UPRT: variants seen among roughly 807,000 people sequenced by gnomAD.
UPRT encodes the protein RP11-311P8.3.
Under a neutral mutation model 22.6 loss-of-function variants are expected in UPRT, and 5 were observed. The ratio of observed to expected loss-of-function variants is 0.22; its 90% CI spans 0.12 to 0.47. The LOEUF is 0.47. Among genes scored for constraint, UPRT ranks in the 20% least tolerant of loss-of-function variants. The pLI, the probability that UPRT is intolerant of heterozygous loss-of-function variation, is 0.99. For missense variants in UPRT, 181 were observed against 239.9 expected (o/e 0.75, Z 1.62); for synonymous variants, 77 against 87.7 (o/e 0.88, Z 0.68).
At chrX:75,238,101 A>G (rs1028378209) in intron 4 of UPRT, among the ~76,000 whole-genome samples, 3 of 111,480 alleles carry the variant, frequency 2.7e-5, no homozygotes, top group African/African-American at 9.8e-5. Context: ...AACAACTAGC[A>G]TGATGAATAG....
At chrX:75,196,450 A>G (rs1381432341) in intron 4 of UPRT, among the ~76,000 whole-genome samples, 1 of 112,953 alleles carries the variant, frequency 8.9e-6, no homozygotes, top group African/African-American at 3.2e-5. Flanking sequence ...TGTTTCTAGC[A>G]ATACAGTGGT....
At chrX:75,189,816 T>A (rs1417774576) in intron 4 of UPRT, among the ~76,000 whole-genome samples, 1 of 111,900 alleles carries the variant, frequency 8.9e-6, no homozygotes, top group East Asian at 2.8e-4. Flanking sequence ...CTTGCCTTTT[T>A]TATTCATTTT....
At chrX:75,268,274 C>A (rs1232687813) in intron 4 of UPRT, among the ~76,000 whole-genome samples, 1 of 110,908 alleles carries the variant, frequency 9.0e-6, no homozygotes. Context: ...TAATAGCCTA[C>A]CAACAAAAAA....
chrX:75,243,606 A>C (rs1299631428), intron 4 of UPRT, among the ~76,000 whole-genome samples: 1 of 111,936 alleles, frequency 8.9e-6, no homozygotes, highest in Non-Finnish European at 1.9e-5. Context: ...TTAAATAATT[A>C]AACTGGCTGG....
At chrX:75,282,798 G>A (rs926795437) in intron 1 of UPRT, among the ~76,000 whole-genome samples, 5 of 111,226 alleles carry the variant, frequency 4.5e-5, no homozygotes, top group Non-Finnish European at 9.4e-5. Context: ...AATTTGTTCC[G>A]AGGTATAGTT....
intron 4 of UPRT, among the ~76,000 whole-genome samples, chrX:75,184,592 T>C: frequency 9.3e-6 from 1 of 108,079 alleles, no homozygotes; most frequent in East Asian, 2.9e-4. Flanking sequence ...GGGGATGGCA[T>C]TGAATCTGTA....
intron 3 of UPRT, among the ~76,000 whole-genome samples, chrX:75,166,720 C>T (rs1305982827): frequency 3.6e-5 from 4 of 112,092 alleles, no homozygotes; most frequent in African/African-American, 1.3e-4. Context: ...TTAACAAATT[C>T]CCAGGAGCCC....
chrX:75,257,510 C>A (rs2082553054), intron 4 of UPRT, among the ~76,000 whole-genome samples: 3 of 111,464 alleles, frequency 2.7e-5, no homozygotes, highest in Non-Finnish European at 5.6e-5. Flanking sequence ...TACTAAAAGT[C>A]CTAGCCAGAG....
chrX:75,209,381 CT>C (rs920003024), intron 4 of UPRT, among the ~76,000 whole-genome samples: 61 of 108,820 alleles, frequency 5.6e-4, no homozygotes, highest in African/African-American at 2.0e-3. Context: ...TTCTTTTTTT[CT>C]TTTTTTTTGA....
intron 1 of UPRT, 135 bp downstream of exon 1, chrX:75,274,775 GGTGTGTGT>G (rs201034223): frequency 0.14 from 44,159 of 306,567 alleles, 99 homozygotes; most frequent in Middle Eastern, 0.21. Flanking sequence ...CCTTTTATTT[GGTGTGTGT>G]GTGTGTGTGT....
intron 4 of UPRT, among the ~76,000 whole-genome samples, chrX:75,249,987 A>G (rs1484703526): frequency 1.8e-5 from 2 of 112,213 alleles, no homozygotes; most frequent in Non-Finnish European, 3.8e-5. Flanking sequence ...ACAAAGGCAG[A>G]AATAAAGATG....
chrX:75,188,233 C>T (rs981864770), intron 4 of UPRT, among the ~76,000 whole-genome samples: 6 of 111,702 alleles, frequency 5.4e-5, no homozygotes, highest in African/African-American at 2.0e-4. Context: ...GTCAATTTTC[C>T]TTTCAACAGA....
At chrX:75,237,141 C>T (rs1254146591) in intron 4 of UPRT, among the ~76,000 whole-genome samples, 1 of 112,141 alleles carries the variant, frequency 8.9e-6, no homozygotes, top group Non-Finnish European at 1.9e-5. Flanking sequence ...GAGTAAAGGA[C>T]ATGAACAGAT....
intron 3 of UPRT, among the ~76,000 whole-genome samples, chrX:75,167,261 C>G (rs1031484864): frequency 8.9e-6 from 1 of 111,929 alleles, no homozygotes; most frequent in Non-Finnish European, 1.9e-5. Flanking sequence ...TTGTGAAATG[C>G]TTGATCAAGC....
intron 1 of UPRT, among the ~76,000 whole-genome samples, chrX:75,159,871 G>C (rs770515256): frequency 9.4e-6 from 1 of 106,095 alleles, no homozygotes; most frequent in African/African-American, 3.5e-5. Context: ...TCGCCTCCCG[G>C]GTTCAAGCGA....
chrX:75,289,826 A>G (rs932098625), intron 1 of UPRT, among the ~76,000 whole-genome samples: 2 of 112,122 alleles, frequency 1.8e-5, no homozygotes, highest in Non-Finnish European at 3.8e-5. Flanking sequence ...AAATATTTAC[A>G]TGTAAGACCT....
intron 4 of UPRT, among the ~76,000 whole-genome samples, chrX:75,183,886 C>A (rs1381087951): frequency 4.5e-5 from 5 of 111,619 alleles, no homozygotes; most frequent in South Asian, 3.7e-4. Flanking sequence ...TTTTTTCTTG[C>A]AAATTGGTTT....
intron 4 of UPRT, among the ~76,000 whole-genome samples, chrX:75,178,173 G>A (rs917406101): frequency 3.6e-5 from 4 of 112,242 alleles, no homozygotes; most frequent in African/African-American, 1.3e-4. Flanking sequence ...TCCCAACTCC[G>A]AAGAGTCGGG....
intron 4 of UPRT, among the ~76,000 whole-genome samples, chrX:75,211,632 A>C (rs2082380486): frequency 9.0e-6 from 1 of 111,236 alleles, no homozygotes; most frequent in Non-Finnish European, 1.9e-5. Flanking sequence ...TGAGAAAATG[A>C]GGGAAGCAGG....
Sources: gnomAD v4.1 joint callset for allele counts (sites outside exome capture counted in the v4.1 genomes callset) on GRCh38, gnomAD v4.1.1 for gene constraint, MANE v1.5 for transcripts, NCBI Gene and HGNC (gene_info 2026-07-23, HGNC 2026-07-21) for gene names.